The following RORA variants were observed in gnomAD, a reference collection of about 807,000 sequenced individuals.
The protein encoded by RORA is nuclear receptor ROR-alpha.
A neutral mutation model predicts 69.5 loss-of-function variants in RORA; 7 were observed. The observed-to-expected ratio is 0.10, with a 90% confidence interval of 0.06 to 0.19. The LOEUF (loss-of-function observed/expected upper bound fraction) is 0.19, where lower values mean the gene tolerates loss of function less well. Ranked by LOEUF, RORA falls within the 10% of genes least tolerant of loss-of-function variation. The probability of loss-of-function intolerance (pLI) is 1.00; values close to 1 mark genes in which losing one functional copy is unlikely to be tolerated. For synonymous variants in RORA, 261 were observed against 240.8 expected (o/e 1.08, Z -0.78); for missense variants, 457 against 663.0 (o/e 0.69, Z 3.41).
chr15:60,667,808 G>A (rs1419935104), intron 2 of RORA, among the ~76,000 whole-genome samples: 1 of 151,910 alleles, frequency 6.6e-6, no homozygotes, highest in African/African-American at 2.4e-5. Flanking sequence ...TTTTTTGGTG[G>A]AGATGGGGTT....
chr15:61,214,108 C>G (rs1039279728), intron 1 of RORA: 1 of 152,172 alleles, frequency 6.6e-6, no homozygotes, highest in African/African-American at 2.4e-5. Flanking sequence ...ATAAACACAG[C>G]TGAAGTCGCA....
At position 60,495,501 on chromosome 15, in the gene RORA, A is replaced by G. The variant is rs192403786; in HGVS notation, c.*1954T>C. 62 of 152,356 alleles carry G rather than the reference A, an allele frequency of 4.1e-4. 1 individual carries two copies. Among genetic ancestry groups the G allele is most frequent in the African/African-American group, 1.5e-3 (62 of 41,576 alleles). The allele number at this position is 152,356 out of a possible 1,614,324, so 9.4% of individuals were successfully genotyped here. A position where few individuals can be genotyped will look rare whatever the true frequency, so the allele number is the denominator to read the frequency against. ...TCCCCTTTTCCAAGTCCCTCAAGAAACAAGTCAGAAAAGTCAGTGGAGTTA... is the reference window on the plus strand; with the variant it reads ...TCCCCTTTTCCAAGTCCCTCAAGAAGCAAGTCAGAAAAGTCAGTGGAGTTA... On this transcript the variant is annotated 3_prime_UTR_variant, in exon 11 of 11. Transcript: ENST00000335670.
At chr15:60,767,040 A>ATGTTTTGT (rs1276377685) in intron 1 of RORA, among the ~76,000 whole-genome samples, 2 of 152,218 alleles carry the variant, frequency 1.3e-5, no homozygotes, top group Admixed American at 1.3e-4. Context: ...TTTTGCCTAC[A>ATGTTTTGT]CTGTGTTTTA....
At chr15:60,914,750 G>T (rs555312399) in intron 1 of RORA, among the ~76,000 whole-genome samples, 1 of 152,262 alleles carries the variant, frequency 6.6e-6, no homozygotes, top group Non-Finnish European at 1.5e-5. Flanking sequence ...GGAAACCAAG[G>T]CTTGGGAGTT....
rs75263041 is a variant in RORA at position 60,545,995 on chromosome 15, G to A, written c.197-14144C>T. Among the ~76,000 whole-genome samples, 484 of 152,274 alleles carry A rather than the reference G, an allele frequency of 3.2e-3. 5 individuals carry two copies. Among genetic ancestry groups the A allele is most frequent in the African/African-American group, 0.011 (457 of 41,548 alleles). The stretch of plus-strand genomic sequence containing the variant: ...AAATGGAGAAAGCCAACTTTTGAAC[G>A]TGGTGATCAGGTTGCCTTCAGTCTC... On this transcript the variant is annotated intron_variant, in intron 2 of 10. Transcript: ENST00000335670.
intron 1 of RORA, among the ~76,000 whole-genome samples, chr15:60,833,532 G>C (rs1015623191): frequency 9.9e-5 from 15 of 151,962 alleles, no homozygotes; most frequent in African/African-American, 3.6e-4. Context: ...CTTCTTCCTG[G>C]GTCCTTCCTT....
In RORA at chr15:61,007,198, C is replaced by T. The variant is rs375787100; in HGVS notation, c.166+221855G>A. Among the ~76,000 whole-genome samples the T allele has an allele frequency of 3.5e-4, 54 of 152,220 alleles. 1 individual carries two copies. The South Asian group carries it at 0.01, about 29-fold the overall frequency. Reference sequence around the variant, plus strand: ...GGGGTTAAAAGTAAGCCTTCTATAACCAAGACATTATAAATCCAAGGTAGG... The same window carrying T: ...GGGGTTAAAAGTAAGCCTTCTATAATCAAGACATTATAAATCCAAGGTAGG... On this transcript the variant is annotated intron_variant, in intron 1 of 10. Transcript: ENST00000335670.
At chr15:60,722,112 A>G (rs2071301359) in intron 1 of RORA, among the ~76,000 whole-genome samples, 1 of 152,256 alleles carries the variant, frequency 6.6e-6, no homozygotes, top group African/African-American at 2.4e-5. Context: ...ATCAGTTCAC[A>G]TTATCATTAT....
intron 1 of RORA, among the ~76,000 whole-genome samples, chr15:60,820,262 T>A (rs537366361): frequency 1.3e-5 from 2 of 151,892 alleles, no homozygotes; most frequent in South Asian, 2.1e-4. Flanking sequence ...AAGTTGCCTA[T>A]TTTTTTTAAC....
At chr15:60,920,066 A>C (rs1003779556) in intron 1 of RORA, among the ~76,000 whole-genome samples, 4 of 152,174 alleles carry the variant, frequency 2.6e-5, no homozygotes, top group African/African-American at 9.7e-5. Flanking sequence ...TAGGAAAGAG[A>C]AGAGGCCTCT....
intron 2 of RORA, among the ~76,000 whole-genome samples, chr15:60,585,245 G>C (rs1411850959): frequency 6.6e-6 from 1 of 152,092 alleles, no homozygotes; most frequent in Non-Finnish European, 1.5e-5. Context: ...TTTCACACTT[G>C]TTATAACACC....
At chr15:60,549,185 G>A (rs544096957) in intron 2 of RORA, among the ~76,000 whole-genome samples, 22 of 152,276 alleles carry the variant, frequency 1.4e-4, no homozygotes, top group Admixed American at 1.3e-3. Flanking sequence ...TGTGTTGGAT[G>A]GAGTTAATGA....
intron 2 of RORA, among the ~76,000 whole-genome samples, chr15:60,627,725 C>T (rs1044125753): frequency 6.6e-6 from 1 of 152,162 alleles, no homozygotes; most frequent in Non-Finnish European, 1.5e-5. Context: ...CTTTTCCAAG[C>T]GTCTTTCACA....
At chr15:60,854,309 CA>C (rs1410912019) in intron 1 of RORA, among the ~76,000 whole-genome samples, 1 of 151,862 alleles carries the variant, frequency 6.6e-6, no homozygotes, top group Non-Finnish European at 1.5e-5. Context: ...AATACAAATA[CA>C]AACATAGTTC....
intron 1 of RORA, among the ~76,000 whole-genome samples, chr15:60,963,051 T>TA (rs1893457915): frequency 1.3e-5 from 2 of 152,254 alleles, no homozygotes; most frequent in South Asian, 4.1e-4. Flanking sequence ...ATGATGCCTA[T>TA]AAGCAGCAAT....
At chr15:60,912,974 G>C (rs924429199) in intron 1 of RORA, among the ~76,000 whole-genome samples, 4 of 152,154 alleles carry the variant, frequency 2.6e-5, no homozygotes, top group African/African-American at 9.7e-5. Context: ...GTATAGAGTA[G>C]TACAACCATT....
At chr15:60,839,611 T>C (rs913369866) in intron 1 of RORA, among the ~76,000 whole-genome samples, 1 of 152,134 alleles carries the variant, frequency 6.6e-6, no homozygotes, top group Non-Finnish European at 1.5e-5. Context: ...ATCTGTACAG[T>C]GCACGTGGCA....
At chr15:61,186,719 T>C (rs975231304) in intron 1 of RORA, among the ~76,000 whole-genome samples, 1 of 147,562 alleles carries the variant, frequency 6.8e-6, no homozygotes, top group Non-Finnish European at 1.5e-5. Context: ...TGGGAGGGTC[T>C]ACCAAAATCT....
chr15:60,812,950 G>A (rs958658870), intron 1 of RORA, among the ~76,000 whole-genome samples: 1 of 152,192 alleles, frequency 6.6e-6, no homozygotes, highest in Admixed American at 6.5e-5. Context: ...AAGGCAACGG[G>A]ACTGTGCTGG....
Sources: gnomAD v4.1 joint callset for allele counts (sites outside exome capture counted in the v4.1 genomes callset) on GRCh38, gnomAD v4.1.1 for gene constraint, MANE v1.5 for transcripts, NCBI Gene and HGNC (gene_info 2026-07-23, HGNC 2026-07-21) for gene names.